XYLT1: variants seen among roughly 807,000 people sequenced by gnomAD.
XYLT1 encodes the protein xylosyltransferase 1, also known as beta-D-xylosyltransferase 1.
In XYLT1, 36 loss-of-function variants were observed where a neutral mutation model predicts 91.3. The observed-to-expected ratio is 0.39, with a 90% confidence interval of 0.30 to 0.52. XYLT1 has a LOEUF of 0.52. Among genes scored for constraint, XYLT1 ranks in the 20% least tolerant of loss-of-function variants. XYLT1 has a pLI of 0.68. For missense variants in XYLT1, 1,242 were observed against 1,284.5 expected (o/e 0.97, Z 0.51); for synonymous variants, 588 against 532.0 (o/e 1.11, Z -1.45).
chr16:17,137,687 G>GACAGCTGTAAAGGGGATAATGTTCTACC (rs1325027001), intron 8 of XYLT1: 2 of 149,142 alleles, frequency 1.3e-5, no homozygotes, highest in African/African-American at 2.6e-5. Context: ...GCTGCCCAGA[G>GACAGCTGTAAAGGGGATAATGTTCTACC]ACAGCTGTAA....
At chr16:17,461,980 C>T (rs982909521) in intron 1 of XYLT1, among the ~76,000 whole-genome samples, 1 of 152,180 alleles carries the variant, frequency 6.6e-6, no homozygotes, top group Non-Finnish European at 1.5e-5. Context: ...GATAAATGCA[C>T]CTCATCATCA....
At chr16:17,391,656 C>G (rs1248717991) in intron 1 of XYLT1, among the ~76,000 whole-genome samples, 2 of 152,172 alleles carry the variant, frequency 1.3e-5, no homozygotes, top group African/African-American at 4.8e-5. Context: ...CTCCCAGGGT[C>G]CTTTCTTCTT....
intron 3 of XYLT1, among the ~76,000 whole-genome samples, chr16:17,226,655 T>C (rs914182070): frequency 5.3e-5 from 8 of 151,962 alleles, no homozygotes; most frequent in Non-Finnish European, 7.4e-5. Flanking sequence ...GGTGTGGTGG[T>C]GGTGGTAGTG....
chr16:17,378,369 T>C (rs922141589), intron 1 of XYLT1, among the ~76,000 whole-genome samples: 9 of 152,172 alleles, frequency 5.9e-5, no homozygotes, highest in Non-Finnish European at 1.3e-4. Context: ...TCATCTTGAT[T>C]ATGTCTATTG....
At chr16:17,398,988 G>A (rs2035928640) in intron 1 of XYLT1, among the ~76,000 whole-genome samples, 1 of 151,866 alleles carries the variant, frequency 6.6e-6, no homozygotes, top group Admixed American at 6.6e-5. Flanking sequence ...GGGATTACAG[G>A]TGCATGCCGC....
intron 1 of XYLT1, among the ~76,000 whole-genome samples, chr16:17,413,502 G>A (rs527488621): frequency 8.6e-5 from 13 of 150,542 alleles, no homozygotes; most frequent in South Asian, 2.1e-4. Flanking sequence ...GCAGTGGTGC[G>A]TGGTGCAATC....
Position 17,118,431 on chromosome 16 carries a change from C to T in XYLT1, c.2224-452G>A, listed in dbSNP as rs78380382. ...CTCCACTTGGTGCAATGGTTCTGAA[C>T]AAGAATAGAGATCATGTTTTTACAG... is the stretch of plus-strand genomic sequence containing the variant. On this transcript the variant is annotated intron_variant, in intron 10 of 11. Transcript: ENST00000261381. Among the ~76,000 whole-genome samples, 433 of 152,288 alleles carry T rather than the reference C, an allele frequency of 2.8e-3. 5 individuals carry two copies. Among genetic ancestry groups the T allele is most frequent in the African/African-American group, 0.01 (419 of 41,550 alleles).
Position 17,134,601 on chromosome 16 carries a change from A to ATTCTCCCAG in XYLT1, c.1890_1898dup (p.Trp631_Asn633dup). 1 of 1,614,162 alleles carries ATTCTCCCAG rather than the reference A, an allele frequency of 6.2e-7. No individual in the cohort carries two copies. The highest frequency in any genetic ancestry group is 8.5e-7 in the Non-Finnish European group (1 of 1,180,036). On this transcript the variant is annotated inframe_insertion, in exon 9 of 12. Transcript: ENST00000261381. ...GGATGCCGTCAGGCTCATCGTAGACATTCTCCCAGTAGGAGCGCAGGCCCG... is the reference window on the plus strand; with the variant it reads ...GGATGCCGTCAGGCTCATCGTAGACATTCTCCCAGTTCTCCCAGTAGGAGCGCAGGCCCG...
chr16:17,134,740 A>G lies in XYLT1; in HGVS notation c.1765-5T>C, dbSNP rs2030644255. 6.2e-7 allele frequency: 1 copy of G among 1,612,588 alleles called. No individual in the cohort carries two copies. Among genetic ancestry groups the G allele is most frequent in the African/African-American group, 1.3e-5 (1 of 74,866 alleles). Reference sequence around the variant, plus strand: ...GAAGGTAGGCCGGGCTGTCTGCTGTACTCATGGGATTAAAAATAGAAAAGC... The same window carrying G: ...GAAGGTAGGCCGGGCTGTCTGCTGTGCTCATGGGATTAAAAATAGAAAAGC... On this transcript the variant is annotated splice_region_variant and splice_polypyrimidine_tract_variant and intron_variant, in intron 8 of 11. Transcript: ENST00000261381.
Position 17,430,863 on chromosome 16 carries a change from G to T in XYLT1, c.363+39571C>A, listed in dbSNP as rs115760125. 5.1e-3 allele frequency among the ~76,000 whole-genome samples: 775 copies of T among 152,220 alleles called. 3 individuals are homozygous for T. Among genetic ancestry groups the T allele is most frequent in the African/African-American group, 0.018 (727 of 41,516 alleles). ...TTTAATTTTCATTATCTCATTCTAA[G>T]AGATAGTATCTAAAGTAAACTGGGG... On this transcript the variant is annotated intron_variant, in intron 1 of 11. Transcript: ENST00000261381.
intron 5 of XYLT1, among the ~76,000 whole-genome samples, chr16:17,185,640 C>CT (rs2032167211): frequency 4.0e-5 from 6 of 151,788 alleles, no homozygotes; most frequent in African/African-American, 9.6e-5. Flanking sequence ...CTCTCTCTCT[C>CT]CCTGGACCAG....
chr16:17,378,623 G>C (rs765466065), intron 1 of XYLT1, among the ~76,000 whole-genome samples: 9 of 152,150 alleles, frequency 5.9e-5, no homozygotes, highest in Non-Finnish European at 1.2e-4. Context: ...TATGAAGCAC[G>C]TATTAGGTGC....
At chr16:17,133,088 G>A (rs1426513096) in intron 9 of XYLT1, among the ~76,000 whole-genome samples, 1 of 152,140 alleles carries the variant, frequency 6.6e-6, no homozygotes, top group African/African-American at 2.4e-5. Context: ...TGCAGGTCCT[G>A]GGTTCCTAAC....
intron 2 of XYLT1, among the ~76,000 whole-genome samples, chr16:17,270,422 G>T (rs1192333580): frequency 2.0e-5 from 3 of 152,166 alleles, no homozygotes; most frequent in East Asian, 1.9e-4. Context: ...CAGTCACAGC[G>T]CTCAGAGCAC....
intron 10 of XYLT1, among the ~76,000 whole-genome samples, chr16:17,120,031 G>A (rs115956800): frequency 1.2e-3 from 189 of 152,246 alleles, no homozygotes; most frequent in African/African-American, 4.2e-3. Context: ...GGTAGTTACT[G>A]CTCTGATGTT....
At chr16:17,394,959 C>T (rs1027051231) in intron 1 of XYLT1, among the ~76,000 whole-genome samples, 1 of 152,060 alleles carries the variant, frequency 6.6e-6, no homozygotes, top group African/African-American at 2.4e-5. Flanking sequence ...CTGCCCATCC[C>T]CCCTGTATTA....
At chr16:17,319,014 C>G (rs2034677846) in intron 2 of XYLT1, among the ~76,000 whole-genome samples, 2 of 152,122 alleles carry the variant, frequency 1.3e-5, no homozygotes, top group South Asian at 4.1e-4. Context: ...TCTCAAACTC[C>G]TAACCTCAGG....
chr16:17,376,939 G>A (rs779303302), intron 1 of XYLT1, among the ~76,000 whole-genome samples: 1 of 152,032 alleles, frequency 6.6e-6, no homozygotes, highest in African/African-American at 2.4e-5. Context: ...CACTGTGGGA[G>A]GCCAAAGCAG....
chr16:17,267,265 G>A (rs1007518537), intron 2 of XYLT1, among the ~76,000 whole-genome samples: 13 of 152,316 alleles, frequency 8.5e-5, no homozygotes, highest in African/African-American at 3.1e-4. Flanking sequence ...AATGTAAGGT[G>A]GGGATTAACT....
Sources: gnomAD v4.1 joint callset for allele counts (sites outside exome capture counted in the v4.1 genomes callset) on GRCh38, gnomAD v4.1.1 for gene constraint, MANE v1.5 for transcripts, NCBI Gene and HGNC (gene_info 2026-07-23, HGNC 2026-07-21) for gene names.